SBF2: variants seen among roughly 807,000 people sequenced by gnomAD.
SBF2 encodes myotubularin-related protein 13.
SBF2 carries 112 observed loss-of-function variants against 225.2 expected under a neutral mutation model. The ratio of observed to expected loss-of-function variants is 0.50; its 90% confidence interval spans 0.43 to 0.58. SBF2 has a LOEUF of 0.58. SBF2 is among the 20% of genes least tolerant of loss of function. The pLI is 0.00. For missense variants in SBF2, 1,996 were observed against 2,206.2 expected (o/e 0.90, Z 1.91); for synonymous variants, 763 against 773.3 (o/e 0.99, Z 0.22).
intron 2 of SBF2, among the ~76,000 whole-genome samples, chr11:10,099,789 TA>T (rs1952197101): frequency 6.6e-6 from 1 of 152,074 alleles, no homozygotes; most frequent in Non-Finnish European, 1.5e-5. Context: ...GTTAAAACTA[TA>T]AAATGTTTGA....
At chr11:9,959,687 C>T (rs922725144) in intron 16 of SBF2, 6 of 726,536 alleles carry the variant, frequency 8.3e-6, no homozygotes, top group African/African-American at 3.5e-5. Flanking sequence ...TGAGTACCAT[C>T]GATTCAGATA....
At chr11:10,037,814 G>A (rs1479790927) in intron 3 of SBF2, among the ~76,000 whole-genome samples, 1 of 151,868 alleles carries the variant, frequency 6.6e-6, no homozygotes, top group Non-Finnish European at 1.5e-5. Context: ...TAGTACTTCA[G>A]CTAAATCTAT....
At chr11:10,129,543 ATCC>A (rs1953931075) in intron 2 of SBF2, among the ~76,000 whole-genome samples, 1 of 152,154 alleles carries the variant, frequency 6.6e-6, no homozygotes, top group Non-Finnish European at 1.5e-5. Flanking sequence ...ACCTAATTAG[ATCC>A]TCCTTTAATT....
chr11:10,023,934 G>C (rs1365217823), intron 6 of SBF2, among the ~76,000 whole-genome samples: 1 of 151,920 alleles, frequency 6.6e-6, no homozygotes, highest in African/African-American at 2.4e-5. Flanking sequence ...CCACAATCAA[G>C]ACTGTATACA....
chr11:10,280,638 T>C (rs768252327), intron 1 of SBF2, among the ~76,000 whole-genome samples: 1 of 152,266 alleles, frequency 6.6e-6, no homozygotes, highest in Non-Finnish European at 1.5e-5. Flanking sequence ...CATCTTAATA[T>C]GCTGCCTCTA....
At chr11:9,816,258 G>A (rs968625068) in intron 29 of SBF2, among the ~76,000 whole-genome samples, 5 of 152,138 alleles carry the variant, frequency 3.3e-5, no homozygotes, top group East Asian at 3.8e-4. Flanking sequence ...CAATTTAACA[G>A]TAAGAATAAA....
At chr11:10,184,350 C>T (rs1052154247) in intron 2 of SBF2, among the ~76,000 whole-genome samples, 3 of 152,014 alleles carry the variant, frequency 2.0e-5, no homozygotes, top group Non-Finnish European at 2.9e-5. Flanking sequence ...AAACTTTGTT[C>T]TTTTTTTCCC....
intron 32 of SBF2, among the ~76,000 whole-genome samples, chr11:9,805,090 C>CA (rs770858179): frequency 6.0e-4 from 92 of 152,086 alleles, no homozygotes; most frequent in Non-Finnish European, 8.5e-4. Context: ...ACCAAAAATA[C>CA]AAAAAATTAA....
intron 2 of SBF2, among the ~76,000 whole-genome samples, chr11:10,166,374 T>C (rs1484298915): frequency 1.3e-5 from 2 of 152,176 alleles, no homozygotes; most frequent in African/African-American, 4.8e-5. Flanking sequence ...ACTAGAAACA[T>C]GTCTATCAAT....
At chr11:9,872,213 C>T (rs899617298) in intron 17 of SBF2, among the ~76,000 whole-genome samples, 3 of 152,272 alleles carry the variant, frequency 2.0e-5, no homozygotes, top group Admixed American at 1.3e-4. Flanking sequence ...CAAACTAACA[C>T]AGGAACAGTA....
At chr11:9,972,100 T>C (rs538494703) in intron 13 of SBF2, among the ~76,000 whole-genome samples, 1 of 152,336 alleles carries the variant, frequency 6.6e-6, no homozygotes, top group South Asian at 2.1e-4. Context: ...AAACTCTAGC[T>C]TGGCCACTTA....
intron 3 of SBF2, among the ~76,000 whole-genome samples, chr11:10,040,962 G>C (rs1230645450): frequency 1.3e-5 from 2 of 151,974 alleles, no homozygotes; most frequent in Non-Finnish European, 2.9e-5. Flanking sequence ...AGAATTCCTA[G>C]AACCTATTTA....
chr11:10,108,896 A>C (rs1222557810), intron 2 of SBF2, among the ~76,000 whole-genome samples: 2 of 152,198 alleles, frequency 1.3e-5, no homozygotes, highest in African/African-American at 4.8e-5. Context: ...ATTAGCATAC[A>C]TAAGACCAAA....
rs926346515 is a variant in SBF2, at chr11:9,891,919, G to A, written c.1929+4024C>T. Among the ~76,000 whole-genome samples the A allele has an allele frequency of 7.2e-5, 11 of 152,188 alleles. 1 individual carries two copies. The South Asian group carries it at 2.1e-3, about 29-fold the overall frequency. ...AACATAACCTTTCATCTGGGCTAAT[G>A]AAATATCCTGCTCATATGAGAATAG... On this transcript the variant is annotated intron_variant, in intron 17 of 39. Coordinates refer to ENST00000256190, the MANE Select transcript of SBF2 (RefSeq NM_030962.4).
intron 2 of SBF2, among the ~76,000 whole-genome samples, chr11:10,139,841 C>G (rs1302381824): frequency 6.6e-6 from 1 of 152,194 alleles, no homozygotes; most frequent in Non-Finnish European, 1.5e-5. Flanking sequence ...CTCCTTCCAT[C>G]TACATTCCTG....
chr11:10,041,598 A>G (rs1293801309), intron 3 of SBF2, among the ~76,000 whole-genome samples: 4 of 152,216 alleles, frequency 2.6e-5, no homozygotes, highest in Admixed American at 6.5e-5. Context: ...GTAGTCTAGC[A>G]TGTTAGTTTT....
intron 16 of SBF2, chr11:9,929,042 G>T: frequency 2.2e-6 from 1 of 449,144 alleles, no homozygotes; most frequent in Admixed American, 2.5e-5. Context: ...GCTTGTTCAA[G>T]AAGTTTTGCA....
At chr11:9,878,835 C>G (rs1032481502) in intron 17 of SBF2, among the ~76,000 whole-genome samples, 9 of 152,346 alleles carry the variant, frequency 5.9e-5, no homozygotes, top group African/African-American at 2.2e-4. Context: ...TCCAGGTAAT[C>G]TCCTGCTATC....
chr11:9,921,073 T>TC (rs1453127935), intron 16 of SBF2, among the ~76,000 whole-genome samples: 1 of 147,552 alleles, frequency 6.8e-6, no homozygotes, highest in East Asian at 2.0e-4. Context: ...TCTTTTTTTT[T>TC]TTTTTTTTTT....
Sources: allele counts gnomAD v4.1 joint callset (sites outside exome capture counted in the v4.1 genomes callset), GRCh38; gene constraint gnomAD v4.1.1; transcripts MANE v1.5; gene names NCBI Gene and HGNC (gene_info 2026-07-23, HGNC 2026-07-21).